Variants in FOXP2 observed in about 807,000 individuals in gnomAD.
FOXP2 encodes the protein forkhead box protein P2.
FOXP2 carries 12 observed loss-of-function variants against 115.8 expected under a neutral mutation model. The observed-to-expected ratio is 0.10, with a 90% CI of 0.07 to 0.17. The LOEUF is 0.17. Ranked by LOEUF, FOXP2 falls within the 10% of genes least tolerant of loss-of-function variation. The probability of loss-of-function intolerance (pLI) is 1.00; values close to 1 mark genes in which losing one functional copy is unlikely to be tolerated. For missense variants in FOXP2, 629 were observed against 843.5 expected (o/e 0.75, Z 3.15); for synonymous variants, 328 against 297.7 (o/e 1.10, Z -1.05).
intron 2 of FOXP2, among the ~76,000 whole-genome samples, chr7:114,490,904 A>G (rs1584800709): frequency 6.6e-6 from 1 of 152,280 alleles, no homozygotes; most frequent in East Asian, 1.9e-4. Context: ...CCAGTCTATC[A>G]TTGTTGAACA....
intron 1 of FOXP2, among the ~76,000 whole-genome samples, chr7:114,188,225 T>C (rs1350747848): frequency 6.6e-6 from 1 of 152,200 alleles, no homozygotes; most frequent in African/African-American, 2.4e-5. Flanking sequence ...TTACTTGTAT[T>C]TGGAATAAAA....
chr7:114,320,883 A>C (rs1797403516), intron 2 of FOXP2, among the ~76,000 whole-genome samples: 1 of 152,234 alleles, frequency 6.6e-6, no homozygotes, highest in African/African-American at 2.4e-5. Flanking sequence ...AGGAAGGGCA[A>C]GCCCTACCTT....
chr7:114,546,212 A>G (rs571497757), intron 3 of FOXP2, among the ~76,000 whole-genome samples: 1 of 152,002 alleles, frequency 6.6e-6, no homozygotes, highest in East Asian at 1.9e-4. Flanking sequence ...GTTTTTCCTT[A>G]CCCAGTCCAA....
intron 1 of FOXP2, among the ~76,000 whole-genome samples, chr7:114,252,112 G>A (rs2129169614): frequency 1.3e-5 from 2 of 152,288 alleles, no homozygotes; most frequent in East Asian, 3.9e-4. Flanking sequence ...TGCATATGTT[G>A]AACCAGCCTT....
intron 1 of FOXP2, among the ~76,000 whole-genome samples, chr7:114,109,794 C>T (rs117295808): frequency 4.3e-4 from 66 of 152,054 alleles, no homozygotes; most frequent in Non-Finnish European, 7.7e-4. Flanking sequence ...TCTGTCAGAA[C>T]ATTTACAGTC....
intron 1 of FOXP2, among the ~76,000 whole-genome samples, chr7:114,202,787 A>T (rs1794101993): frequency 6.6e-6 from 1 of 152,306 alleles, no homozygotes; most frequent in East Asian, 1.9e-4. Flanking sequence ...ATTAAATGAG[A>T]CAGTGCATAT....
chr7:114,245,771 G>A (rs1010137129), intron 1 of FOXP2, among the ~76,000 whole-genome samples: 1 of 152,054 alleles, frequency 6.6e-6, no homozygotes, highest in African/African-American at 2.4e-5. Flanking sequence ...GAATGTTTGT[G>A]CACTTTTAAA....
At chr7:114,408,951 T>C (rs1793101699) in intron 2 of FOXP2, among the ~76,000 whole-genome samples, 1 of 152,086 alleles carries the variant, frequency 6.6e-6, no homozygotes, top group African/African-American at 2.4e-5. Flanking sequence ...CTATCTCTTT[T>C]GCTGTAATTC....
intron 2 of FOXP2, among the ~76,000 whole-genome samples, chr7:114,526,172 T>TAAAAAAAA (rs3028251): frequency 0.014 from 1,117 of 79,688 alleles, 52 homozygotes; most frequent in East Asian, 0.092. Context: ...GTTTCTTTAT[T>TAAAAAAAA]AAAAAAAAAA....
intron 3 of FOXP2, among the ~76,000 whole-genome samples, chr7:114,543,740 A>T (rs376458192): frequency 5.4e-4 from 83 of 152,310 alleles, no homozygotes; most frequent in African/African-American, 2.0e-3. Context: ...CAATGTCTAG[A>T]GACTTAGAGA....
intron 2 of FOXP2, among the ~76,000 whole-genome samples, chr7:114,339,456 A>G (rs959705308): frequency 2.0e-5 from 3 of 151,174 alleles, no homozygotes; most frequent in Non-Finnish European, 4.5e-5. Context: ...ATGATAACAT[A>G]AGGAAGTAAA....
At chr7:114,185,493 A>G (rs1480648224) in intron 1 of FOXP2, among the ~76,000 whole-genome samples, 1 of 152,242 alleles carries the variant, frequency 6.6e-6, no homozygotes, top group East Asian at 1.9e-4. Context: ...TAAAGCACTT[A>G]GCCTAGTGCC....
intron 2 of FOXP2, among the ~76,000 whole-genome samples, chr7:114,517,231 C>T (rs1164274586): frequency 1.3e-5 from 2 of 151,996 alleles, no homozygotes; most frequent in African/African-American, 4.8e-5. Flanking sequence ...TTGAAGTTCT[C>T]ATATATGTTG....
At chr7:114,422,183 TTAAA>T (rs1220330052) in intron 1 of FOXP2, among the ~76,000 whole-genome samples, 1 of 151,800 alleles carries the variant, frequency 6.6e-6, no homozygotes, top group African/African-American at 2.4e-5. Context: ...ATATGTTTGA[TTAAA>T]TAAATTGGAC....
intron 1 of FOXP2, among the ~76,000 whole-genome samples, chr7:114,179,851 A>T (rs150302828): frequency 5.3e-5 from 8 of 152,132 alleles, no homozygotes; most frequent in African/African-American, 1.9e-4. Context: ...CTATTACTAG[A>T]AGTTCTTTCT....
chr7:114,437,176 G>A (rs962244252), intron 2 of FOXP2, among the ~76,000 whole-genome samples: 8 of 152,044 alleles, frequency 5.3e-5, no homozygotes, highest in Non-Finnish European at 7.4e-5. Flanking sequence ...TTGATTTTTA[G>A]TATTTATTGA....
At chr7:114,677,654 TG>T (rs961730276) in intron 16 of FOXP2, among the ~76,000 whole-genome samples, 1 of 152,228 alleles carries the variant, frequency 6.6e-6, no homozygotes, top group Admixed American at 6.5e-5. Context: ...CCTTAGGTAC[TG>T]GTAAATTTCA....
At chr7:114,607,507 A>G (rs531964917) in intron 3 of FOXP2, among the ~76,000 whole-genome samples, 4 of 152,340 alleles carry the variant, frequency 2.6e-5, no homozygotes, top group African/African-American at 9.6e-5. Context: ...GAAGAGTGAG[A>G]TAAAAATGTG....
At chr7:114,371,375 C>T (rs985780401) in intron 2 of FOXP2, among the ~76,000 whole-genome samples, 3 of 151,768 alleles carry the variant, frequency 2.0e-5, no homozygotes, top group African/African-American at 4.8e-5. Flanking sequence ...CATGAGCCAC[C>T]GCACCTGGCC....
Sources: gnomAD v4.1 joint callset for allele counts (sites outside exome capture counted in the v4.1 genomes callset) on GRCh38, gnomAD v4.1.1 for gene constraint, MANE v1.5 for transcripts, NCBI Gene and HGNC (gene_info 2026-07-23, HGNC 2026-07-21) for gene names.